Variants in TMC2 observed in about 807,000 individuals in gnomAD.
The protein encoded by TMC2 is transmembrane channel like 2, also known as transmembrane channel-like protein 2.
A neutral mutation model predicts 105.9 loss-of-function variants in TMC2; 102 were observed. The ratio of observed to expected loss-of-function variants is 0.96; its 90% confidence interval spans 0.82 to 1.14. The LOEUF is 1.14. Among genes scored for constraint, TMC2 ranks in the 50% most tolerant of loss-of-function variants. TMC2 has a pLI of 0.00. For synonymous variants in TMC2, 402 were observed against 422.8 expected (o/e 0.95, Z 0.60); for missense variants, 1,093 against 1,134.3 (o/e 0.96, Z 0.52).
At chr20:2,594,430 G>A (rs757227263) in intron 8 of TMC2, among the ~76,000 whole-genome samples, 9 of 152,118 alleles carry the variant, frequency 5.9e-5, no homozygotes, top group East Asian at 3.9e-4. Context: ...GTTTCACTAC[G>A]TTAGCCAGGT....
At chr20:2,639,233 G>A (rs6515677) in intron 19 of TMC2, among the ~76,000 whole-genome samples, 27,402 of 152,150 alleles carry the variant, frequency 0.18, 3,791 homozygotes, top group African/African-American at 0.37. Context: ...ACCTAAGTGC[G>A]CAGTGTTTAT....
intron 11 of TMC2, among the ~76,000 whole-genome samples, chr20:2,609,337 G>A (rs1394421235): frequency 6.6e-6 from 1 of 152,112 alleles, no homozygotes; most frequent in Admixed American, 6.5e-5. Context: ...GGACTTTGGG[G>A]GCCTCTCTGT....
intron 14 of TMC2, among the ~76,000 whole-genome samples, chr20:2,614,466 G>A (rs763313461): frequency 1.3e-5 from 2 of 152,096 alleles, no homozygotes; most frequent in African/African-American, 2.4e-5. Context: ...TTAGCTGGGT[G>A]TGCTGGTGCA....
chr20:2,626,374 G>C (rs974187459), intron 17 of TMC2, among the ~76,000 whole-genome samples: 3 of 152,142 alleles, frequency 2.0e-5, no homozygotes, highest in African/African-American at 7.2e-5. Context: ...GGCACTGGAG[G>C]CCTCACTTCC....
chr20:2,553,407 G>A (rs1000545625), intron 2 of TMC2, among the ~76,000 whole-genome samples: 5 of 152,124 alleles, frequency 3.3e-5, no homozygotes, highest in Non-Finnish European at 7.4e-5. Flanking sequence ...ATTTTCTAAT[G>A]TTGAGCCAGT....
rs943728241 is a variant in TMC2, at chr20:2,591,590, C to T, written c.835-720C>T. ...CGTGGGGGTACACACCTGTAGTTCC[C>T]GCTACTCAGGAGGCTGAGGTGGGAG... On this transcript the variant is annotated intron_variant, in intron 7 of 19. Transcript: ENST00000358864. Among the ~76,000 whole-genome samples, 8 of 151,872 alleles carry T rather than the reference C, an allele frequency of 5.3e-5. No homozygotes were observed. The East Asian group carries it at 1.4e-3, about 26-fold the overall frequency.
At chr20:2,539,720 C>T (rs2085876045) in intron 2 of TMC2, among the ~76,000 whole-genome samples, 1 of 152,198 alleles carries the variant, frequency 6.6e-6, no homozygotes, top group Non-Finnish European at 1.5e-5. Context: ...CAGGGGGCTA[C>T]TGCCTTCCAG....
chr20:2,538,188 G>A (rs543598747), intron 2 of TMC2, among the ~76,000 whole-genome samples: 1 of 152,058 alleles, frequency 6.6e-6, no homozygotes, highest in South Asian at 2.1e-4. Flanking sequence ...GTTGTCGGGA[G>A]CCTGAGCTTC....
At chr20:2,587,609 C>A (rs1325183149) in intron 7 of TMC2, among the ~76,000 whole-genome samples, 2 of 151,642 alleles carry the variant, frequency 1.3e-5, no homozygotes, top group African/African-American at 4.8e-5. Context: ...AAATGTACTT[C>A]TTTTAATTGA....
intron 2 of TMC2, among the ~76,000 whole-genome samples, chr20:2,541,688 A>G (rs80068405): frequency 0.011 from 1,601 of 152,158 alleles, 32 homozygotes; most frequent in African/African-American, 0.036. Flanking sequence ...AAAAGAAAAA[A>G]GAAAGTATTT....
rs1190335314 is a variant in TMC2 at position 2,587,172 on chromosome 20, C to T, written c.835-5138C>T. On this transcript the variant is annotated intron_variant, in intron 7 of 19. Coordinates refer to ENST00000358864, the MANE Select transcript of TMC2 (RefSeq NM_080751.3). ...TATAATCTTACTAATTTTAGAGTAG[C>T]ATGATCAATTGCTGAGTGAGATCAA... 2.0e-5 allele frequency among the ~76,000 whole-genome samples: 3 copies of T among 152,090 alleles called. No homozygotes were observed. In the South Asian group the frequency reaches 6.2e-4, roughly 31 times the overall value.
At chr20:2,546,094 T>C (rs542044539) in intron 2 of TMC2, among the ~76,000 whole-genome samples, 1 of 152,226 alleles carries the variant, frequency 6.6e-6, no homozygotes, top group East Asian at 1.9e-4. Flanking sequence ...GGTCCCCAAG[T>C]AGTGTTTTAT....
intron 7 of TMC2, among the ~76,000 whole-genome samples, chr20:2,589,350 C>T (rs113730561): frequency 3.8e-5 from 5 of 133,290 alleles, no homozygotes; most frequent in Non-Finnish European, 4.7e-5. Flanking sequence ...CATGTTGCCC[C>T]GGCTGGTCTT....
intron 14 of TMC2, among the ~76,000 whole-genome samples, chr20:2,615,577 C>A (rs183471235): frequency 1.4e-4 from 22 of 152,332 alleles, no homozygotes; most frequent in Admixed American, 1.2e-3. Flanking sequence ...ACGAAAACTG[C>A]AAATGAGGTA....
chr20:2,578,998 G>A lies in TMC2; in HGVS notation c.646-148G>A. 3 of 618,446 alleles carry A rather than the reference G, an allele frequency of 4.9e-6. No individual in the cohort carries two copies. In the South Asian group the frequency reaches 5.3e-5, roughly 11 times the overall value. The allele number at this position is 618,446 out of a possible 1,614,324, so 38.3% of individuals were successfully genotyped here. A position where few individuals can be genotyped will look rare whatever the true frequency, so the allele number is the denominator to read the frequency against. Reference sequence around the variant, plus strand: ...CCTGCCTCTGGCAGCCTGGGCTCAAGGACAGCAGGAGCTGGGGACTGCAAG... The same window carrying A: ...CCTGCCTCTGGCAGCCTGGGCTCAAAGACAGCAGGAGCTGGGGACTGCAAG... On this transcript the variant is annotated intron_variant, in intron 5 of 19. Transcript: ENST00000358864.
intron 10 of TMC2, among the ~76,000 whole-genome samples, chr20:2,600,122 A>G (rs576467082): frequency 3.0e-4 from 45 of 152,340 alleles, no homozygotes; most frequent in African/African-American, 9.4e-4. Context: ...CTTTTCCTCC[A>G]GGATTGTGAG....
At chr20:2,625,720 T>C (rs917320996) in intron 17 of TMC2, among the ~76,000 whole-genome samples, 6 of 152,222 alleles carry the variant, frequency 3.9e-5, no homozygotes, top group Non-Finnish European at 7.3e-5. Flanking sequence ...ATATATCTCC[T>C]TGCACAATTC....
intron 10 of TMC2, among the ~76,000 whole-genome samples, chr20:2,597,889 A>C (rs1173393182): frequency 6.6e-6 from 1 of 152,090 alleles, no homozygotes; most frequent in Non-Finnish European, 1.5e-5. Context: ...GAATAAGTGG[A>C]AGGACTCATT....
At chr20:2,549,361 A>T (rs970075216) in intron 2 of TMC2, among the ~76,000 whole-genome samples, 1 of 152,182 alleles carries the variant, frequency 6.6e-6, no homozygotes, top group African/African-American at 2.4e-5. Flanking sequence ...CAGCCTAAGC[A>T]CTTAATATCT....
Sources: allele counts gnomAD v4.1 joint callset (sites outside exome capture counted in the v4.1 genomes callset), GRCh38; gene constraint gnomAD v4.1.1; transcripts MANE v1.5; gene names NCBI Gene and HGNC (gene_info 2026-07-23, HGNC 2026-07-21).